PRKG1: variants seen among roughly 807,000 people sequenced by gnomAD.
PRKG1 encodes the protein protein kinase cGMP-dependent 1, also known as cGMP-dependent protein kinase 1.
In PRKG1, 35 loss-of-function variants were observed where a neutral mutation model predicts 88.1. That is an observed-to-expected ratio of 0.40 (90% confidence interval 0.30 to 0.53). The LOEUF is 0.53. Ranked by LOEUF, PRKG1 falls within the 20% of genes least tolerant of loss-of-function variation. The probability of loss-of-function intolerance (pLI) is 0.59; values close to 1 mark genes in which losing one functional copy is unlikely to be tolerated. For missense variants in PRKG1, 540 were observed against 839.8 expected (o/e 0.64, Z 4.41); for synonymous variants, 303 against 292.5 (o/e 1.04, Z -0.37).
At chr10:51,023,870 A>G (rs1843169096) in intron 1 of PRKG1, among the ~76,000 whole-genome samples, 1 of 152,230 alleles carries the variant, frequency 6.6e-6, no homozygotes, top group African/African-American at 2.4e-5. Context: ...TCACTTTAAA[A>G]TTTAGCCAAG....
chr10:51,157,197 G>T (rs1166361081), intron 2 of PRKG1, among the ~76,000 whole-genome samples: 1 of 151,872 alleles, frequency 6.6e-6, no homozygotes, highest in Non-Finnish European at 1.5e-5. Context: ...TCTGGGTGTA[G>T]TATGCAGACA....
At position 51,055,492 on chromosome 10, in the gene PRKG1, A is replaced by G. The variant is rs149084529; in HGVS notation, c.266+63848A>G. The stretch of plus-strand genomic sequence containing the variant: ...GGGTCAAATAGACAGGTCAATATCC[A>G]AATGTTCATTAAAAATAATTTTGTT... On this transcript the variant is annotated intron_variant, in intron 1 of 17. Coordinates refer to the PRKG1 transcript ENST00000401604. Among the ~76,000 whole-genome samples the G allele has an allele frequency of 2.6e-5, 4 of 152,270 alleles. No individual in the cohort carries two copies. The East Asian group carries it at 7.7e-4, about 29-fold the overall frequency.
chr10:51,182,260 C>T (rs894365988), intron 2 of PRKG1, among the ~76,000 whole-genome samples: 2 of 152,124 alleles, frequency 1.3e-5, no homozygotes, highest in Non-Finnish European at 2.9e-5. Flanking sequence ...TATGGAATTG[C>T]TTCATTCTAA....
At chr10:52,105,545 C>T (rs2132576386) in intron 7 of PRKG1, among the ~76,000 whole-genome samples, 1 of 152,278 alleles carries the variant, frequency 6.6e-6, no homozygotes, top group Middle Eastern at 3.4e-3. Flanking sequence ...CTAACTCTCC[C>T]CTTAGTTTAT....
intron 4 of PRKG1, among the ~76,000 whole-genome samples, chr10:51,836,770 G>A (rs1183173126): frequency 1.3e-5 from 2 of 152,078 alleles, no homozygotes; most frequent in Non-Finnish European, 2.9e-5. Context: ...TTTATCAAAA[G>A]AAGAAAAACA....
intron 3 of PRKG1, among the ~76,000 whole-genome samples, chr10:51,679,210 C>G (rs1840783750): frequency 2.0e-5 from 3 of 152,240 alleles, no homozygotes. Flanking sequence ...ATTTTTCATT[C>G]AATTCTGAGT....
At chr10:51,007,330 A>G (rs1842951796) in intron 1 of PRKG1, among the ~76,000 whole-genome samples, 1 of 152,182 alleles carries the variant, frequency 6.6e-6, no homozygotes, top group Admixed American at 6.5e-5. Flanking sequence ...GCAAGGGATT[A>G]ATTGATTCTC....
intron 2 of PRKG1, among the ~76,000 whole-genome samples, chr10:51,267,251 A>G (rs189392225): frequency 2.0e-5 from 3 of 152,342 alleles, no homozygotes; most frequent in Admixed American, 1.3e-4. Context: ...CAATCAGAGA[A>G]ACATTAAACA....
At chr10:51,963,615 T>C (rs1032878438) in intron 5 of PRKG1, among the ~76,000 whole-genome samples, 1 of 151,836 alleles carries the variant, frequency 6.6e-6, no homozygotes, top group South Asian at 2.1e-4. Context: ...GCCCGGCTAA[T>C]TTTTGTATTT....
intron 2 of PRKG1, among the ~76,000 whole-genome samples, chr10:51,190,037 G>A (rs185712779): frequency 6.6e-6 from 1 of 151,992 alleles, no homozygotes; most frequent in Admixed American, 6.6e-5. Flanking sequence ...TTAGAAATGT[G>A]AAGTCAAAGC....
chr10:51,201,112 G>T (rs1472170573), intron 2 of PRKG1, among the ~76,000 whole-genome samples: 1 of 152,094 alleles, frequency 6.6e-6, no homozygotes, highest in Non-Finnish European at 1.5e-5. Flanking sequence ...ATTTTTCCAT[G>T]GGTATGAATT....
At chr10:52,194,035 G>A (rs905781240) in intron 9 of PRKG1, among the ~76,000 whole-genome samples, 2 of 151,972 alleles carry the variant, frequency 1.3e-5, no homozygotes, top group African/African-American at 4.8e-5. Context: ...TATGTATTAA[G>A]AATGTAATAA....
intron 5 of PRKG1, among the ~76,000 whole-genome samples, chr10:52,045,793 G>A (rs1004140954): frequency 3.9e-5 from 6 of 152,082 alleles, no homozygotes. Flanking sequence ...AGCCCCAGAG[G>A]AATGGAGGGA....
chr10:51,329,045 C>A (rs1841663809), intron 2 of PRKG1, among the ~76,000 whole-genome samples: 1 of 151,992 alleles, frequency 6.6e-6, no homozygotes, highest in Non-Finnish European at 1.5e-5. Context: ...TTGATTATTT[C>A]TTTGCTATGT....
At chr10:52,123,328 G>A (rs1847862970) in intron 7 of PRKG1, among the ~76,000 whole-genome samples, 1 of 152,106 alleles carries the variant, frequency 6.6e-6, no homozygotes, top group Non-Finnish European at 1.5e-5. Context: ...CCAATCACAT[G>A]ACCAGGAAGA....
intron 1 of PRKG1, among the ~76,000 whole-genome samples, chr10:51,126,468 T>C (rs1016082035): frequency 7.0e-6 from 1 of 143,598 alleles, no homozygotes; most frequent in Non-Finnish European, 1.5e-5. Flanking sequence ...TATTTATTTA[T>C]AATTATATAA....
At chr10:51,850,630 G>T (rs1840528638) in intron 4 of PRKG1, among the ~76,000 whole-genome samples, 1 of 152,094 alleles carries the variant, frequency 6.6e-6, no homozygotes, top group African/African-American at 2.4e-5. Context: ...AATATGTAAA[G>T]AGTTTCTTGA....
intron 7 of PRKG1, among the ~76,000 whole-genome samples, chr10:52,129,087 A>C (rs1327655627): frequency 6.6e-6 from 1 of 152,214 alleles, no homozygotes; most frequent in Non-Finnish European, 1.5e-5. Flanking sequence ...AAAAAAGTAC[A>C]AATGAAAGTA....
intron 2 of PRKG1, among the ~76,000 whole-genome samples, chr10:51,235,299 T>C (rs903867572): frequency 1.3e-5 from 2 of 152,232 alleles, no homozygotes; most frequent in Non-Finnish European, 2.9e-5. Context: ...ATTTTGTTCC[T>C]CTTTGGACAC....
Sources: allele counts gnomAD v4.1 joint callset (sites outside exome capture counted in the v4.1 genomes callset), GRCh38; gene constraint gnomAD v4.1.1; transcripts MANE v1.5; gene names NCBI Gene and HGNC (gene_info 2026-07-23, HGNC 2026-07-21).